The following LHFPL3 variants were observed in gnomAD, a reference collection of about 807,000 sequenced individuals.
LHFPL3 encodes the protein LHFPL tetraspan subfamily member 3 protein.
In LHFPL3, 5 loss-of-function variants were observed where a neutral mutation model predicts 19.3. The observed-to-expected ratio is 0.26, with a 90% CI of 0.14 to 0.54. The LOEUF is 0.54. Among genes scored for constraint, LHFPL3 ranks in the 20% least tolerant of loss-of-function variants. The pLI, the probability that LHFPL3 is intolerant of heterozygous loss-of-function variation, is 0.94. For synonymous variants in LHFPL3, 133 were observed against 126.2 expected, an observed-to-expected ratio of 1.05 and a Z score of -0.36; for missense variants, 249 against 307.4, an observed-to-expected ratio of 0.81 and a Z score of 1.42.
chr7:104,586,967 G>T (rs1014957017), intron 1 of LHFPL3, among the ~76,000 whole-genome samples: 1 of 152,032 alleles, frequency 6.6e-6, no homozygotes, highest in Non-Finnish European at 1.5e-5. Context: ...CATTTCAGAG[G>T]CATAAGACAG....
intron 2 of LHFPL3, among the ~76,000 whole-genome samples, chr7:104,817,651 T>A (rs1790581231): frequency 6.6e-6 from 1 of 152,310 alleles, no homozygotes; most frequent in African/African-American, 2.4e-5. Context: ...CCCTGGGAAC[T>A]CAGGGGCCTT....
At chr7:104,676,719 G>A (rs1792600259) in intron 1 of LHFPL3, among the ~76,000 whole-genome samples, 1 of 152,212 alleles carries the variant, frequency 6.6e-6, no homozygotes, top group Admixed American at 6.5e-5. Flanking sequence ...TTAAATTCCA[G>A]AGTTGACTAG....
intron 1 of LHFPL3, among the ~76,000 whole-genome samples, chr7:104,410,139 GT>G: frequency 6.6e-6 from 1 of 152,028 alleles, no homozygotes; most frequent in East Asian, 1.9e-4. Context: ...TGTTGTTGTT[GT>G]TTTTGTTGTT....
chr7:104,822,683 TG>T (rs1790698459), intron 2 of LHFPL3, among the ~76,000 whole-genome samples: 1 of 152,156 alleles, frequency 6.6e-6, no homozygotes, highest in East Asian at 1.9e-4. Flanking sequence ...GGGCTGGCAG[TG>T]GCCTGTCAGC....
intron 2 of LHFPL3, among the ~76,000 whole-genome samples, chr7:104,779,852 C>T (rs539441851): frequency 1.4e-4 from 22 of 152,264 alleles, no homozygotes; most frequent in African/African-American, 4.8e-4. Flanking sequence ...ACTCCGTCGC[C>T]GGAGCAGTTT....
intron 1 of LHFPL3, among the ~76,000 whole-genome samples, chr7:104,379,398 G>C (rs1427989366): frequency 3.3e-5 from 5 of 152,172 alleles, no homozygotes; most frequent in African/African-American, 1.2e-4. Flanking sequence ...TTGTAAGTCT[G>C]CCTCTTCATT....
intron 2 of LHFPL3, among the ~76,000 whole-genome samples, chr7:104,816,305 C>T (rs1021494567): frequency 6.6e-6 from 1 of 152,146 alleles, no homozygotes; most frequent in African/African-American, 2.4e-5. Flanking sequence ...AACCTAGTTT[C>T]CTTTTAGCTT....
intron 1 of LHFPL3, among the ~76,000 whole-genome samples, chr7:104,540,945 T>C (rs1794474307): frequency 6.6e-6 from 1 of 152,184 alleles, no homozygotes; most frequent in Non-Finnish European, 1.5e-5. Context: ...TCTGCCAGCA[T>C]TTTTTCTCAT....
chr7:104,351,056 G>A lies in LHFPL3; in HGVS notation c.445+21832G>A, dbSNP rs865955767. Among the ~76,000 whole-genome samples the A allele has an allele frequency of 7.0e-3, 988 of 141,490 alleles. 8 individuals carry two copies. The highest frequency in any genetic ancestry group is 0.024 in the African/African-American group (921 of 38,288). 92.8% of individuals were successfully genotyped at this position (141,490 alleles called of 152,430 possible). A position where few individuals can be genotyped will look rare whatever the true frequency, so the allele number is the denominator to read the frequency against. On this transcript the variant is annotated intron_variant, in intron 1 of 2. Coordinates refer to ENST00000424859, the MANE Select transcript of LHFPL3 (RefSeq NM_199000.3). ...CTCCCTCTAAAAAAAAAAAAAAAAAGGAAAGAAAAGGTCTCTTCGACAAGA... is the reference window on the plus strand; with the variant it reads ...CTCCCTCTAAAAAAAAAAAAAAAAAAGAAAGAAAAGGTCTCTTCGACAAGA...
intron 1 of LHFPL3, among the ~76,000 whole-genome samples, chr7:104,581,345 C>T (rs1325618028): frequency 6.6e-6 from 1 of 152,006 alleles, no homozygotes; most frequent in Non-Finnish European, 1.5e-5. Context: ...TTTGTTCACA[C>T]ATTTTGCCCA....
intron 1 of LHFPL3, among the ~76,000 whole-genome samples, chr7:104,365,430 G>A (rs190284410): frequency 6.8e-6 from 1 of 146,030 alleles, no homozygotes; most frequent in East Asian, 2.0e-4. Flanking sequence ...GAGATCCTGT[G>A]ATTGTTTTTG....
At chr7:104,509,876 C>T (rs1021085857) in intron 1 of LHFPL3, among the ~76,000 whole-genome samples, 4 of 152,076 alleles carry the variant, frequency 2.6e-5, no homozygotes, top group African/African-American at 9.7e-5. Flanking sequence ...CTAGAACTAA[C>T]ATAAGGTCTA....
chr7:104,598,484 G>A (rs535780563), intron 1 of LHFPL3, among the ~76,000 whole-genome samples: 33 of 152,312 alleles, frequency 2.2e-4, no homozygotes, highest in African/African-American at 7.9e-4. Flanking sequence ...ACCAAGAGGT[G>A]GCAGTGGTCC....
intron 2 of LHFPL3, among the ~76,000 whole-genome samples, chr7:104,778,427 G>T (rs540987015): frequency 1.3e-5 from 2 of 152,288 alleles, no homozygotes; most frequent in East Asian, 3.9e-4. Context: ...CCACAGATTT[G>T]ACCACTCCAG....
intron 1 of LHFPL3, among the ~76,000 whole-genome samples, chr7:104,417,343 G>T (rs1156363868): frequency 6.6e-6 from 1 of 152,066 alleles, no homozygotes; most frequent in Non-Finnish European, 1.5e-5. Flanking sequence ...CAGATAGATA[G>T]TATGCCAGTG....
At chr7:104,817,873 C>G (rs1474811866) in intron 2 of LHFPL3, among the ~76,000 whole-genome samples, 1 of 152,218 alleles carries the variant, frequency 6.6e-6, no homozygotes, top group Non-Finnish European at 1.5e-5. Context: ...TAGGCAAACA[C>G]TATTCCGATA....
intron 2 of LHFPL3, among the ~76,000 whole-genome samples, chr7:104,870,844 A>G (rs776483431): frequency 6.6e-6 from 1 of 152,106 alleles, no homozygotes; most frequent in Non-Finnish European, 1.5e-5. Flanking sequence ...AGAGTAAAGG[A>G]TGTATAGCAT....
At chr7:104,754,704 G>A (rs763418328) in intron 2 of LHFPL3, among the ~76,000 whole-genome samples, 2 of 152,166 alleles carry the variant, frequency 1.3e-5, no homozygotes, top group Non-Finnish European at 2.9e-5. Context: ...TCAATAGTGG[G>A]AACAGAAAGC....
intron 1 of LHFPL3, among the ~76,000 whole-genome samples, chr7:104,386,410 TG>T (rs1433412473): frequency 1.3e-5 from 2 of 152,146 alleles, no homozygotes; most frequent in African/African-American, 4.8e-5. Context: ...CGATAACAAC[TG>T]GGGCAAACAA....
Sources: gnomAD v4.1 joint callset for allele counts (sites outside exome capture counted in the v4.1 genomes callset) on GRCh38, gnomAD v4.1.1 for gene constraint, MANE v1.5 for transcripts, NCBI Gene and HGNC (gene_info 2026-07-23, HGNC 2026-07-21) for gene names.